Variants in SORCS1 observed in about 807,000 individuals in gnomAD.
SORCS1 encodes the protein sortilin related VPS10 domain containing receptor 1.
In SORCS1, 60 loss-of-function variants were observed where a neutral mutation model predicts 146.1. The observed-to-expected ratio is 0.41, with a 90% CI of 0.33 to 0.51. The LOEUF is 0.51. Among genes scored for constraint, SORCS1 ranks in the 20% least tolerant of loss-of-function variants. The pLI is 0.21. For synonymous variants in SORCS1, 637 were observed against 584.0 expected, an observed-to-expected ratio of 1.09 and a Z score of -1.31; for missense variants, 1,352 against 1,487.6, an observed-to-expected ratio of 0.91 and a Z score of 1.50.
chr10:106,998,739 C>T (rs961691629), intron 1 of SORCS1, among the ~76,000 whole-genome samples: 2 of 152,216 alleles, frequency 1.3e-5, no homozygotes, highest in African/African-American at 4.8e-5. Flanking sequence ...CATACACACA[C>T]CAATACCTCA....
At chr10:107,063,613 T>C (rs978551190) in intron 1 of SORCS1, among the ~76,000 whole-genome samples, 3 of 152,230 alleles carry the variant, frequency 2.0e-5, no homozygotes, top group Non-Finnish European at 2.9e-5. Flanking sequence ...TGGTTCCTCA[T>C]TGTCATCATA....
chr10:107,035,652 T>G (rs192744333), intron 1 of SORCS1, among the ~76,000 whole-genome samples: 1 of 152,300 alleles, frequency 6.6e-6, no homozygotes, highest in East Asian at 1.9e-4. Context: ...TTTGGGCTTT[T>G]CCTCTTCTAA....
At chr10:106,671,448 C>G in intron 15 of SORCS1, 81 bp from the exon 16 acceptor site, 1 of 1,569,246 alleles carries the variant, frequency 6.4e-7, no homozygotes, top group African/African-American at 1.3e-5. Flanking sequence ...TTTAGGGAGA[C>G]ATTTGCACAT....
rs181028549 is a variant in SORCS1 at position 106,868,537 on chromosome 10, A to G, written c.627-38864T>C. On this transcript the variant is annotated intron_variant, in intron 2 of 25. Transcript: ENST00000263054. ...TGCAATAAATGTAGAAGACTAAAAAAATTGCTCAAAACCATGAAATTACAT... is the reference window on the plus strand; with the variant it reads ...TGCAATAAATGTAGAAGACTAAAAAGATTGCTCAAAACCATGAAATTACAT... Among the ~76,000 whole-genome samples the G allele has an allele frequency of 2.0e-3, 305 of 152,288 alleles. 4 individuals carry two copies. Among genetic ancestry groups the G allele is most frequent in the African/African-American group, 7.2e-3 (298 of 41,586 alleles).
chr10:106,655,229 G>A (rs1177429556), intron 17 of SORCS1, among the ~76,000 whole-genome samples: 1 of 152,114 alleles, frequency 6.6e-6, no homozygotes, highest in Non-Finnish European at 1.5e-5. Flanking sequence ...ATAAGGGCAG[G>A]TGAGAGAGAG....
chr10:107,038,866 T>A (rs188188341), intron 1 of SORCS1, among the ~76,000 whole-genome samples: 167 of 152,262 alleles, frequency 1.1e-3, no homozygotes, highest in African/African-American at 3.9e-3. Context: ...TATGGCATGA[T>A]AATCTTTCAA....
Position 106,840,289 on chromosome 10 carries a change from A to T in SORCS1, c.627-10616T>A, listed in dbSNP as rs180703544. Among the ~76,000 whole-genome samples, 186 of 152,318 alleles carry T rather than the reference A, an allele frequency of 1.2e-3. 1 individual carries two copies. The highest frequency in any genetic ancestry group is 1.8e-4 in the Non-Finnish European group (12 of 68,030). ...ATACCAACATTCATAGGAAGTTGGA[A>T]GAACTTAATTCCAATACTCATGGAT... On this transcript the variant is annotated intron_variant, in intron 2 of 25. Coordinates refer to ENST00000263054, the MANE Select transcript of SORCS1 (RefSeq NM_052918.5).
At chr10:106,836,657 G>T (rs957418163) in intron 2 of SORCS1, among the ~76,000 whole-genome samples, 2 of 151,852 alleles carry the variant, frequency 1.3e-5, no homozygotes, top group African/African-American at 2.4e-5. Flanking sequence ...ACTCTTTGAG[G>T]TTGTATATGG....
At chr10:107,096,188 T>C (rs1433293719) in intron 1 of SORCS1, among the ~76,000 whole-genome samples, 1 of 152,246 alleles carries the variant, frequency 6.6e-6, no homozygotes, top group Non-Finnish European at 1.5e-5. Flanking sequence ...GGCAAGTTAT[T>C]GTTGCAAGAG....
chr10:106,975,945 C>A (rs1418230129), intron 1 of SORCS1, among the ~76,000 whole-genome samples: 1 of 152,056 alleles, frequency 6.6e-6, no homozygotes, highest in African/African-American at 2.4e-5. Flanking sequence ...GTCAGGAGTT[C>A]AAGACCAGCC....
chr10:106,659,745 C>T (rs1850582282), intron 17 of SORCS1, among the ~76,000 whole-genome samples: 1 of 152,146 alleles, frequency 6.6e-6, no homozygotes, highest in Admixed American at 6.5e-5. Flanking sequence ...ATTGTTAATG[C>T]CAAGGCCATT....
chr10:106,941,070 C>A (rs556397830), intron 2 of SORCS1, among the ~76,000 whole-genome samples: 2 of 152,030 alleles, frequency 1.3e-5, no homozygotes, highest in African/African-American at 2.4e-5. Context: ...TCAGTTTCCA[C>A]GTCTACAAAA....
At chr10:107,147,068 A>C (rs1288222115) in intron 1 of SORCS1, among the ~76,000 whole-genome samples, 1 of 152,048 alleles carries the variant, frequency 6.6e-6, no homozygotes, top group Non-Finnish European at 1.5e-5. Flanking sequence ...ATTCTATCAT[A>C]CCCCAACTTA....
intron 24 of SORCS1, among the ~76,000 whole-genome samples, chr10:106,587,729 TA>T (rs965496013): frequency 5.3e-5 from 8 of 152,334 alleles, no homozygotes; most frequent in Non-Finnish European, 1.0e-4. Context: ...ACAGTTTTAT[TA>T]AAAAACCCAC....
chr10:106,980,581 A>AT (rs1419996393), intron 1 of SORCS1, among the ~76,000 whole-genome samples: 1 of 152,198 alleles, frequency 6.6e-6, no homozygotes, highest in Non-Finnish European at 1.5e-5. Flanking sequence ...CAAACTTCTC[A>AT]TACCTTCACC....
At chr10:106,637,841 A>T (rs1039189338) in intron 18 of SORCS1, among the ~76,000 whole-genome samples, 2 of 152,240 alleles carry the variant, frequency 1.3e-5, no homozygotes, top group Admixed American at 6.5e-5. Flanking sequence ...GCATTCCAAT[A>T]GGAACATCAC....
At chr10:107,031,724 C>T (rs1045216473) in intron 1 of SORCS1, among the ~76,000 whole-genome samples, 8 of 151,980 alleles carry the variant, frequency 5.3e-5, no homozygotes, top group Non-Finnish European at 7.4e-5. Flanking sequence ...CCTCCCTCCT[C>T]GCCCTGTCAA....
chr10:106,901,916 C>A (rs1951722757), intron 2 of SORCS1, among the ~76,000 whole-genome samples: 2 of 151,954 alleles, frequency 1.3e-5, no homozygotes, highest in Non-Finnish European at 2.9e-5. Context: ...TGGTGGCGGG[C>A]ACCTGTAGTC....
intron 1 of SORCS1, among the ~76,000 whole-genome samples, chr10:107,155,856 T>A (rs1969238930): frequency 6.6e-6 from 1 of 152,144 alleles, no homozygotes; most frequent in South Asian, 2.1e-4. Flanking sequence ...GATAACATGA[T>A]TCTTATTAGC....
Sources: allele counts gnomAD v4.1 joint callset (sites outside exome capture counted in the v4.1 genomes callset), GRCh38; gene constraint gnomAD v4.1.1; transcripts MANE v1.5; gene names NCBI Gene and HGNC (gene_info 2026-07-23, HGNC 2026-07-21).